Variants in PCDH7 observed in about 807,000 individuals in gnomAD.
PCDH7 encodes protocadherin 7, also known as protocadherin-7.
Under a neutral mutation model 58.9 loss-of-function variants are expected in PCDH7, and 17 were observed. The ratio of observed to expected loss-of-function variants is 0.29; its 90% CI spans 0.20 to 0.43. PCDH7 has a LOEUF of 0.43. PCDH7 is among the 20% of genes least tolerant of loss of function. The pLI, the probability that PCDH7 is intolerant of heterozygous loss-of-function variation, is 1.00. For missense variants in PCDH7, 1,274 were observed against 1,441.0 expected (o/e 0.88, Z 1.88); for synonymous variants, 664 against 616.4 (o/e 1.08, Z -1.14).
chr4:31,055,899 T>A lies in PCDH7; in HGVS notation c.*8-86574T>A, dbSNP rs78603163. ...ACCCAGCCATATAAAGGCTTTATAA[T>A]CTTCTTTAAGTATTCTCACAGAAGA... On this transcript the variant is annotated intron_variant, in intron 3 of 3. Coordinates refer to the PCDH7 transcript ENST00000509759. Among the ~76,000 whole-genome samples, 517 of 152,244 alleles carry A rather than the reference T, an allele frequency of 3.4e-3. 6 individuals carry two copies. Among genetic ancestry groups the A allele is most frequent in the African/African-American group, 0.012 (497 of 41,550 alleles).
intron 1 of PCDH7, among the ~76,000 whole-genome samples, chr4:30,779,277 C>T (rs577575714): frequency 2.2e-4 from 34 of 152,022 alleles, no homozygotes; most frequent in African/African-American, 3.1e-4. Context: ...TGCCCGCCTC[C>T]GCCTCCTAAA....
chr4:31,005,061 T>C (rs1343359360), intron 3 of PCDH7, among the ~76,000 whole-genome samples: 1 of 152,234 alleles, frequency 6.6e-6, no homozygotes, highest in Admixed American at 6.5e-5. Flanking sequence ...TTTCCGAGTT[T>C]AACTTCCTTT....
chr4:30,817,143 A>C (rs1183177298), intron 1 of PCDH7, among the ~76,000 whole-genome samples: 2 of 152,174 alleles, frequency 1.3e-5, no homozygotes, highest in Non-Finnish European at 2.9e-5. Flanking sequence ...AGGAGAAGAA[A>C]ATGGCACCTG....
rs532607595 is a variant in PCDH7, at chr4:30,927,666, G to C, written c.287+7297G>C. Among the ~76,000 whole-genome samples, 8 of 152,172 alleles carry C rather than the reference G, an allele frequency of 5.3e-5. No individual in the cohort carries two copies. In the South Asian group the frequency reaches 6.2e-4, roughly 12 times the overall value. On this transcript the variant is annotated intron_variant, in intron 2 of 3. Coordinates refer to the PCDH7 transcript ENST00000509759. ...ACAGATGCTTGAAGGCAGCATGCTC[G>C]TTAAGAGTCATCACCACTCTCTAAT...
intron 1 of PCDH7, among the ~76,000 whole-genome samples, chr4:30,766,933 A>T (rs1720825535): frequency 1.3e-5 from 2 of 152,206 alleles, no homozygotes; most frequent in African/African-American, 4.8e-5. Context: ...AAAAAATTTT[A>T]AAAGATGGGC....
At chr4:30,779,214 G>A (rs1364801166) in intron 1 of PCDH7, among the ~76,000 whole-genome samples, 1 of 151,560 alleles carries the variant, frequency 6.6e-6, no homozygotes, top group Non-Finnish European at 1.5e-5. Flanking sequence ...TAGTAGAGAC[G>A]GGGTTTTGCC....
chr4:30,813,905 G>T (rs1461447932), intron 1 of PCDH7, among the ~76,000 whole-genome samples: 2 of 152,246 alleles, frequency 1.3e-5, no homozygotes, highest in Admixed American at 1.3e-4. Context: ...CTCCCAAAGT[G>T]CTGGGATTAC....
chr4:30,909,813 T>C (rs972231377), intron 1 of PCDH7, among the ~76,000 whole-genome samples: 1 of 152,068 alleles, frequency 6.6e-6, no homozygotes, highest in Non-Finnish European at 1.5e-5. Flanking sequence ...TTCACAGCAT[T>C]AGAAAAAAAT....
chr4:31,072,483 A>G (rs1758631257), intron 3 of PCDH7, among the ~76,000 whole-genome samples: 1 of 152,114 alleles, frequency 6.6e-6, no homozygotes, highest in Non-Finnish European at 1.5e-5. Context: ...ATGTGAGCAT[A>G]AATACAGAGG....
chr4:30,997,289 A>T (rs2109132256), intron 3 of PCDH7, among the ~76,000 whole-genome samples: 1 of 152,284 alleles, frequency 6.6e-6, no homozygotes, highest in East Asian at 1.9e-4. Flanking sequence ...AGAACTATTA[A>T]TAATAACATG....
At chr4:31,108,826 G>A (rs1715928386) in intron 3 of PCDH7, among the ~76,000 whole-genome samples, 1 of 152,018 alleles carries the variant, frequency 6.6e-6, no homozygotes, top group South Asian at 2.1e-4. Flanking sequence ...ATCAGCCATT[G>A]CTGTGCAACA....
intron 2 of PCDH7, among the ~76,000 whole-genome samples, chr4:30,936,096 A>T (rs1191379489): frequency 6.6e-6 from 1 of 152,082 alleles, no homozygotes; most frequent in East Asian, 1.9e-4. Context: ...GAATGATAAA[A>T]TAGTATCCTT....
At position 30,837,850 on chromosome 4, in the gene PCDH7, TTA is replaced by T. The variant is rs1441064030; in HGVS notation, c.71-82294_71-82293del. On this transcript the variant is annotated intron_variant, in intron 1 of 3. Coordinates refer to the PCDH7 transcript ENST00000509759. Reference sequence around the variant, plus strand: ...AGTACATTTCTAAAAATAATTGATTTTATATATATAATCAATTATTTTAAAAA... The same window carrying T: ...AGTACATTTCTAAAAATAATTGATTTTATATATAATCAATTATTTTAAAAA... 4.0e-5 allele frequency among the ~76,000 whole-genome samples: 6 copies of T among 148,574 alleles called. No homozygotes were observed. The East Asian group carries it at 7.9e-4, about 19-fold the overall frequency.
At position 31,007,008 on chromosome 4, in the gene PCDH7, C is replaced by T. The variant is rs76578369; in HGVS notation, c.*7+56793C>T. Reference sequence around the variant, plus strand: ...TATTGTTTATATTTTAAAAAGCAGGCCCTGCTAACCATCTAGGGAAAAATT... The same window carrying T: ...TATTGTTTATATTTTAAAAAGCAGGTCCTGCTAACCATCTAGGGAAAAATT... On this transcript the variant is annotated intron_variant, in intron 3 of 3. Coordinates refer to the PCDH7 transcript ENST00000509759. Among the ~76,000 whole-genome samples the T allele has an allele frequency of 1.5e-3, 231 of 152,150 alleles. 2 individuals carry two copies. The highest frequency in any genetic ancestry group is 5.3e-3 in the African/African-American group (218 of 41,492).
At chr4:30,791,467 T>A (rs1724113756) in intron 1 of PCDH7, among the ~76,000 whole-genome samples, 1 of 152,258 alleles carries the variant, frequency 6.6e-6, no homozygotes, top group Non-Finnish European at 1.5e-5. Context: ...CAGCAATTAT[T>A]AATTTTCTTA....
chr4:31,036,030 C>G (rs921175686), intron 3 of PCDH7, among the ~76,000 whole-genome samples: 2 of 152,058 alleles, frequency 1.3e-5, no homozygotes, highest in African/African-American at 4.8e-5. Context: ...TAAACTTGAA[C>G]AAAATCTTAG....
intron 1 of PCDH7, among the ~76,000 whole-genome samples, chr4:30,901,247 C>T (rs1184279366): frequency 6.6e-6 from 1 of 152,096 alleles, no homozygotes; most frequent in African/African-American, 2.4e-5. Context: ...TATAATAAGT[C>T]ACATTTACAT....
intron 3 of PCDH7, among the ~76,000 whole-genome samples, chr4:31,084,066 C>T (rs1306046817): frequency 6.6e-6 from 1 of 152,088 alleles, no homozygotes; most frequent in Admixed American, 6.6e-5. Flanking sequence ...ACCTATTATT[C>T]AGTAATTAAA....
chr4:30,789,806 A>G (rs573244333), intron 1 of PCDH7, among the ~76,000 whole-genome samples: 1 of 152,282 alleles, frequency 6.6e-6, no homozygotes, highest in East Asian at 1.9e-4. Flanking sequence ...TTTCCTTAGA[A>G]GATTAGACGA....
Sources: gnomAD v4.1 joint callset for allele counts (sites outside exome capture counted in the v4.1 genomes callset) on GRCh38, gnomAD v4.1.1 for gene constraint, MANE v1.5 for transcripts, NCBI Gene and HGNC (gene_info 2026-07-23, HGNC 2026-07-21) for gene names.